The following UGT8 variants were observed in gnomAD, a reference collection of about 807,000 sequenced individuals.
UGT8 encodes the protein UDP glycosyltransferase 8.
A neutral mutation model predicts 40.5 loss-of-function variants in UGT8; 12 were observed. That is an observed-to-expected ratio of 0.30 (90% CI 0.19 to 0.48). UGT8 has a LOEUF of 0.48. Among genes scored for constraint, UGT8 ranks in the 20% least tolerant of loss-of-function variants. The probability of loss-of-function intolerance (pLI) is 0.99; values close to 1 mark genes in which losing one functional copy is unlikely to be tolerated. For synonymous variants in UGT8, 224 were observed against 240.4 expected (o/e 0.93, Z 0.63); for missense variants, 513 against 648.7 (o/e 0.79, Z 2.27).
chr4:114,651,943 T>C (rs1410734691), intron 2 of UGT8, among the ~76,000 whole-genome samples: 1 of 151,896 alleles, frequency 6.6e-6, no homozygotes, highest in African/African-American at 2.4e-5. Context: ...GTACACAAAT[T>C]ATGGGGAATA....
intron 1 of UGT8, among the ~76,000 whole-genome samples, chr4:114,603,750 A>G (rs188989018): frequency 6.6e-6 from 1 of 152,234 alleles, no homozygotes; most frequent in East Asian, 1.9e-4. Flanking sequence ...TTATAGGGCT[A>G]CTGTGAGGAT....
At chr4:114,637,454 G>A (rs1198046273) in intron 2 of UGT8, among the ~76,000 whole-genome samples, 1 of 152,126 alleles carries the variant, frequency 6.6e-6, no homozygotes, top group Non-Finnish European at 1.5e-5. Flanking sequence ...AATTCAGTAA[G>A]TACACACTTA....
At chr4:114,625,135 G>T (rs151287626) in intron 2 of UGT8, among the ~76,000 whole-genome samples, 12 of 152,218 alleles carry the variant, frequency 7.9e-5, no homozygotes, top group African/African-American at 2.9e-4. Context: ...TTCCGAGCTA[G>T]AACACTCCCC....
intron 2 of UGT8, among the ~76,000 whole-genome samples, chr4:114,632,106 C>T (rs376426093): frequency 1.3e-5 from 2 of 152,310 alleles, no homozygotes; most frequent in East Asian, 1.9e-4. Flanking sequence ...TGCTTTTGGC[C>T]TTCGAGTATA....
intron 2 of UGT8, among the ~76,000 whole-genome samples, chr4:114,638,816 T>C (rs962498397): frequency 6.6e-6 from 1 of 152,226 alleles, no homozygotes; most frequent in Admixed American, 6.5e-5. Flanking sequence ...TTGTGGCCCA[T>C]TTATACTCAG....
intron 2 of UGT8, among the ~76,000 whole-genome samples, chr4:114,628,069 T>C (rs1732347636): frequency 6.6e-6 from 1 of 152,214 alleles, no homozygotes; most frequent in Non-Finnish European, 1.5e-5. Flanking sequence ...CTGTTTGTTC[T>C]AAATTTGTGT....
chr4:114,663,972 T>TA lies in UGT8; in HGVS notation c.823-22dup, dbSNP rs751415865. 1.9e-5 allele frequency: 30 copies of TA among 1,612,986 alleles called. No homozygotes were observed. The East Asian group carries it at 4.9e-4, about 26-fold the overall frequency. ...AAACTACATTGGTCTTCGTAAAACT[T>TA]ACTGCCATGTTTTGATTTACAGGAT... On this transcript the variant is annotated intron_variant, in intron 2 of 5. Transcript: ENST00000310836.
chr4:114,613,352 T>C (rs1047335909), intron 1 of UGT8, among the ~76,000 whole-genome samples: 49 of 152,176 alleles, frequency 3.2e-4, no homozygotes, highest in Non-Finnish European at 2.9e-5. Context: ...TCTAACATAC[T>C]ACTTCAAATT....
chr4:114,607,137 C>G (rs1730781999), intron 1 of UGT8, among the ~76,000 whole-genome samples: 1 of 152,092 alleles, frequency 6.6e-6, no homozygotes, highest in African/African-American at 2.4e-5. Context: ...TCATTCTGCC[C>G]CTGAAGCATA....
intron 5 of UGT8, among the ~76,000 whole-genome samples, chr4:114,675,570 C>T (rs962677464): frequency 6.6e-6 from 1 of 150,858 alleles, no homozygotes; most frequent in Non-Finnish European, 1.5e-5. Context: ...GAAACCCCGT[C>T]TCTACTAAAA....
Position 114,665,768 on chromosome 4 carries a change from A to G in UGT8, c.1042+12A>G. ...AAATGACCTGCTTGGTAAGTCAATG[A>G]TGTGTGGTTACTTACTTGGCTGTTA... On this transcript the variant is annotated intron_variant, in intron 4 of 5. Coordinates refer to ENST00000310836, the MANE Select transcript of UGT8 (RefSeq NM_001128174.3). The G allele has an allele frequency of 6.3e-7, 1 of 1,586,300 alleles. No individual in the cohort carries two copies. Among genetic ancestry groups the G allele is most frequent in the Non-Finnish European group, 8.6e-7 (1 of 1,165,810 alleles).
chr4:114,623,615 C>G lies in UGT8; in HGVS notation c.735C>G (p.Asp245Glu). The change falls in exon 2 of 6, where the codon GAC (aspartate) becomes GAG (glutamate). Residue 245 changes from aspartate (D) to glutamate (E), a missense_variant. Physicochemically the swap from Asp to Glu is conservative, Grantham distance 45. Around this residue, in one of 3 missense-constraint regions of UGT8, gnomAD observed 335 missense variants for 444.8 expected, o/e 0.75. Transcript: ENST00000310836. ...HGSSLWMLCT[D>E]VALEFPRPTL... ...CCAGCCTGTGGATGCTGTGTACTGACGTAGCACTGGAATTCCCAAGACCCA... is the reference window on the plus strand; with the variant it reads ...CCAGCCTGTGGATGCTGTGTACTGAGGTAGCACTGGAATTCCCAAGACCCA... 5 of 1,614,044 alleles carry G rather than the reference C, an allele frequency of 3.1e-6. No individual in the cohort carries two copies. The highest frequency in any genetic ancestry group is 4.2e-6 in the Non-Finnish European group (5 of 1,180,006).
In UGT8 at chr4:114,622,893, A is replaced by T; in HGVS notation, c.13A>T (p.Thr5Ser). 6.2e-7 allele frequency: 1 copy of T among 1,612,078 alleles called. No individual in the cohort carries two copies. ...TGTTATTACAGCTATGAAGTCTTAC[A>T]CTCCATATTTCATTCTCCTGTGGAG... MKSYTPYFILLWSAV... is the reference protein window; with the variant it reads MKSYSPYFILLWSAV... The change falls in exon 2 of 6, where the codon ACT becomes TCT. Residue 5 changes from threonine to serine, a missense_variant. Around this residue, in one of 3 missense-constraint regions of UGT8, gnomAD observed 335 missense variants for 444.8 expected, o/e 0.75. Transcript: ENST00000310836.
chr4:114,672,421 A>G (rs1454956239), intron 5 of UGT8, among the ~76,000 whole-genome samples: 1 of 152,200 alleles, frequency 6.6e-6, no homozygotes, highest in Admixed American at 6.5e-5. Flanking sequence ...ACCAACCCAA[A>G]TGCCCATCAG....
intron 2 of UGT8, among the ~76,000 whole-genome samples, chr4:114,629,777 T>C (rs892666636): frequency 2.0e-5 from 3 of 152,190 alleles, no homozygotes; most frequent in Non-Finnish European, 4.4e-5. Context: ...CCTGATATGA[T>C]AGGAGATCCA....
chr4:114,626,143 G>T (rs1219988446), intron 2 of UGT8, among the ~76,000 whole-genome samples: 2 of 152,162 alleles, frequency 1.3e-5, no homozygotes, highest in Admixed American at 1.3e-4. Flanking sequence ...AGAATGATGT[G>T]CAGTACTCTT....
rs370215775 is a variant in UGT8 at position 114,611,459 on chromosome 4, G to C, written c.-2-11420G>C. 1.9e-4 allele frequency among the ~76,000 whole-genome samples: 24 copies of C among 127,904 alleles called. No homozygotes were observed. In the South Asian group the frequency reaches 3.2e-3, roughly 17 times the overall value. The allele number at this position is 127,904 out of a possible 152,430, so 83.9% of individuals were successfully genotyped here. A position where few individuals can be genotyped will look rare whatever the true frequency, so the allele number is the denominator to read the frequency against. On this transcript the variant is annotated intron_variant, in intron 1 of 5. Coordinates refer to ENST00000310836, the MANE Select transcript of UGT8 (RefSeq NM_001128174.3). ...ATATATATATATACACACACACACA[G>C]AGATATTAGATATATATAATATCTA...
At chr4:114,626,480 G>A (rs958593782) in intron 2 of UGT8, among the ~76,000 whole-genome samples, 6 of 152,136 alleles carry the variant, frequency 3.9e-5, no homozygotes, top group Admixed American at 6.5e-5. Context: ...TGGGATGAAA[G>A]GGCAGAGAAA....
chr4:114,657,353 G>GA (rs1379028271), intron 2 of UGT8, among the ~76,000 whole-genome samples: 1 of 152,108 alleles, frequency 6.6e-6, no homozygotes, highest in Non-Finnish European at 1.5e-5. Flanking sequence ...CGATACTGCA[G>GA]AATCTCAGTG....
Sources: gnomAD v4.1 joint callset for allele counts (sites outside exome capture counted in the v4.1 genomes callset) on GRCh38, gnomAD v4.1.1 for gene constraint, gnomAD v4.1.1 regional missense constraint, MANE v1.5 for transcripts, NCBI Gene and HGNC (gene_info 2026-07-23, HGNC 2026-07-21) for gene names.